Variants in UNKL observed in about 807,000 individuals in gnomAD.
The protein encoded by UNKL is putative E3 ubiquitin-protein ligase UNKL.
UNKL carries 60 observed loss-of-function variants against 78.0 expected under a neutral mutation model. The ratio of observed to expected loss-of-function variants is 0.77; its 90% CI spans 0.63 to 0.95. The LOEUF (loss-of-function observed/expected upper bound fraction) is 0.95. UNKL is among the 40% of genes least tolerant of loss of function. The pLI, the probability that UNKL is intolerant of heterozygous loss-of-function variation, is 0.00. For missense variants in UNKL, 1,159 were observed against 1,045.7 expected (o/e 1.11, Z -1.49); for synonymous variants, 608 against 474.8 (o/e 1.28, Z -3.65).
intron 9 of UNKL, among the ~76,000 whole-genome samples, chr16:1,386,198 C>A (rs569040728): frequency 8.2e-4 from 125 of 152,294 alleles, no homozygotes; most frequent in African/African-American, 2.9e-3. Flanking sequence ...TACTGGAGGT[C>A]AGGAGTTCGA....
At chr16:1,398,220 T>C (rs2142178199) in intron 5 of UNKL, 2 of 780,774 alleles carry the variant, frequency 2.6e-6, no homozygotes, top group Middle Eastern at 6.5e-4. Context: ...CCTACTGCAG[T>C]GAGCTGAGAC....
At chr16:1,371,463 G>C (rs1290152268) in intron 11 of UNKL, 56 bp downstream of exon 11, 2 of 1,510,374 alleles carry the variant, frequency 1.3e-6, no homozygotes, top group Non-Finnish European at 1.8e-6. Context: ...TCCGGCCACA[G>C]CACTTGGCTG....
In UNKL at chr16:1,365,253, C is replaced by CTGGGATCACAGGCA. The variant is rs1484401532; in HGVS notation, c.*973_*986dup. On this transcript the variant is annotated 3_prime_UTR_variant, in exon 15 of 15. Transcript: ENST00000389221. ...GGTGATCCACCCGCCTCCCAAAGTG[C>CTGGGATCACAGGCA]TGGGATCACAGGCATGAGCCACCGC... 6.6e-6 allele frequency: 1 copy of CTGGGATCACAGGCA among 152,224 alleles called. No homozygotes were observed. The highest frequency in any genetic ancestry group is 2.4e-5 in the African/African-American group (1 of 41,444). The allele number at this position is 152,224 out of a possible 1,614,324, so 9.4% of individuals were successfully genotyped here. A position where few individuals can be genotyped will look rare whatever the true frequency, so the allele number is the denominator to read the frequency against.
chr16:1,395,597 C>T (rs774828582), intron 6 of UNKL: 3 of 436,328 alleles, frequency 6.9e-6, no homozygotes, highest in Non-Finnish European at 1.4e-5. Flanking sequence ...TCTCAGGCTG[C>T]CCCTTCCGCC....
At chr16:1,379,737 G>GCC (rs1281140580) in intron 10 of UNKL, 1 of 961,452 alleles carries the variant, frequency 1.0e-6, no homozygotes, top group Admixed American at 6.5e-5. Context: ...ACGTGACTCG[G>GCC]CCCCGCCCCC....
At chr16:1,371,488 G>A (rs1567203410) in intron 11 of UNKL, 31 bp downstream of exon 11, 2 of 1,532,672 alleles carry the variant, frequency 1.3e-6, no homozygotes, top group African/African-American at 1.4e-5. Context: ...GCGGCTGGAG[G>A]AGCAGGGCCC....
At chr16:1,368,570 CCGCAG>C (rs1291665172) in intron 12 of UNKL, among the ~76,000 whole-genome samples, 24 of 137,312 alleles carry the variant, frequency 1.7e-4, no homozygotes, top group African/African-American at 6.2e-4. Flanking sequence ...CCACTGCAGT[CCGCAG>C]TCCGGCCTGG....
Position 1,367,300 on chromosome 16 carries a change from C to A in UNKL, c.1838G>T (p.Arg613Leu), listed in dbSNP as rs199501066. The A allele has an allele frequency of 4.5e-6, 7 of 1,556,602 alleles. No individual in the cohort carries two copies. Among genetic ancestry groups the A allele is most frequent in the South Asian group, 1.2e-5 (1 of 84,836 alleles). The change falls in exon 14 of 15, where the codon CGT becomes CTT. Residue 613 changes from arginine (R) to leucine (L), a missense_variant. Transcript: ENST00000389221. ...CAGCTGCCGGTCGCTATCGGCCACA[C>A]GGGCACGCTCCTTGGCCTCCTGCGC... ...REAQEAKERA[R>L]VADSDRQLAL...
At chr16:1,379,660 C>A in intron 10 of UNKL, 1 of 984,696 alleles carries the variant, frequency 1.0e-6, no homozygotes. Flanking sequence ...CGCGGCCGCC[C>A]CGCGCCGCCG....
Position 1,382,513 on chromosome 16 carries a change from C to T in UNKL, c.1264+2695G>A, listed in dbSNP as rs1213540110. 3.9e-5 allele frequency among the ~76,000 whole-genome samples: 6 copies of T among 152,334 alleles called. No homozygotes were observed. The South Asian group carries it at 1.2e-3, about 32-fold the overall frequency. ...GCGCTGGGTCCATCCAGGATTCCCA[C>T]TCTCCCCATGGCCTCCTGAGGGAGG... On this transcript the variant is annotated intron_variant, in intron 10 of 14. Transcript: ENST00000389221.
At chr16:1,376,203 A>C (rs1187844770) in intron 10 of UNKL, among the ~76,000 whole-genome samples, 30 of 57,262 alleles carry the variant, frequency 5.2e-4, no homozygotes, top group African/African-American at 9.5e-4. Flanking sequence ...CTCCTCCCTC[A>C]CTCCAAGGCT....
Position 1,403,471 on chromosome 16 carries a change from T to C in UNKL, c.288-127A>G. The C allele has an allele frequency of 3.3e-6, 4 of 1,194,196 alleles. No homozygotes were observed. Among genetic ancestry groups the C allele is most frequent in the Non-Finnish European group, 4.6e-6 (4 of 865,166 alleles). 74.0% of individuals were successfully genotyped at this position (1,194,196 alleles called of 1,614,324 possible). Reference sequence around the variant, plus strand: ...TCCCTTCCCTTCTTCCAGATTCCTGTTCTAATCAGAAGGACGGACACACTG... The same window carrying C: ...TCCCTTCCCTTCTTCCAGATTCCTGCTCTAATCAGAAGGACGGACACACTG... On this transcript the variant is annotated intron_variant, in intron 2 of 14. Transcript: ENST00000389221. The surrounding 1 kb of genome is among the most constrained non-coding windows in gnomAD (Gnocchi z 4.8).
At chr16:1,404,949 T>C (rs2037681763) in intron 2 of UNKL, among the ~76,000 whole-genome samples, 1 of 151,954 alleles carries the variant, frequency 6.6e-6, no homozygotes, top group African/African-American at 2.4e-5. Flanking sequence ...ATCCCAGCAC[T>C]TTGGGGGGCA....
chr16:1,403,446 T>G lies in UNKL; in HGVS notation c.288-102A>C. 7.6e-7 allele frequency: 1 copy of G among 1,317,360 alleles called. No individual in the cohort carries two copies. The highest frequency in any genetic ancestry group is 1.0e-6 in the Non-Finnish European group (1 of 965,186). The allele number at this position is 1,317,360 out of a possible 1,614,324, so 81.6% of individuals were successfully genotyped here. A position where few individuals can be genotyped will look rare whatever the true frequency, so the allele number is the denominator to read the frequency against. ...TGTCAGCACGTGGCAAGCAGTGAAT[T>G]CCCTTCCCTTCTTCCAGATTCCTGT... On this transcript the variant is annotated intron_variant, in intron 2 of 14. Coordinates refer to ENST00000389221, the MANE Select transcript of UNKL (RefSeq NM_001372107.1). This position sits in a 1 kb window ranked among gnomAD's most constrained non-coding sequence, Gnocchi z 4.8.
rs1047591226 is a variant in UNKL, at chr16:1,399,208, T to C, written c.734+166A>G. ...CCCAGGACAGACGCGTGGGCCTCCA[T>C]GGCACCTCCCACAGCCACTGTGCTT... On this transcript the variant is annotated intron_variant, in intron 5 of 14. Transcript: ENST00000389221. This position sits in a 1 kb window ranked among gnomAD's most constrained non-coding sequence, Gnocchi z 5.8. The C allele has an allele frequency of 5.6e-6, 7 of 1,255,806 alleles. No homozygotes were observed. Among genetic ancestry groups the C allele is most frequent in the Non-Finnish European group, 7.4e-6 (7 of 939,700 alleles). The allele number at this position is 1,255,806 out of a possible 1,614,324, so 77.8% of individuals were successfully genotyped here.
chr16:1,369,160 C>A (rs2035571432), intron 12 of UNKL, among the ~76,000 whole-genome samples: 1 of 151,066 alleles, frequency 6.6e-6, no homozygotes, highest in Non-Finnish European at 1.5e-5. Context: ...ACCTCCGACT[C>A]CCGGGTTCAA....
intron 2 of UNKL, among the ~76,000 whole-genome samples, 171 bp downstream of exon 2, chr16:1,413,675 A>C (rs918543483): frequency 6.6e-6 from 1 of 152,252 alleles, no homozygotes; most frequent in Non-Finnish European, 1.5e-5. Flanking sequence ...TGAGAATAGG[A>C]AATGCCGCCC....
intron 1 of UNKL, 22 bp from the exon 2 acceptor site, chr16:1,414,077 C>A: frequency 1.3e-6 from 2 of 1,523,874 alleles, no homozygotes; most frequent in Non-Finnish European, 1.8e-6. Flanking sequence ...GACAGCGCCG[C>A]GGCTCGCTTC....
intron 2 of UNKL, among the ~76,000 whole-genome samples, chr16:1,413,200 T>C (rs1036837299): frequency 2.0e-4 from 27 of 135,598 alleles, no homozygotes; most frequent in Non-Finnish European, 3.2e-4. Context: ...AGCCGTATCC[T>C]ATCATTGCAC....
Sources: gnomAD v4.1 joint callset for allele counts (sites outside exome capture counted in the v4.1 genomes callset) on GRCh38, gnomAD v4.1.1 for gene constraint, Gnocchi (gnomAD v3.1) non-coding constraint, MANE v1.5 for transcripts, NCBI Gene and HGNC (gene_info 2026-07-23, HGNC 2026-07-21) for gene names.